Variants in LDLRAD3 observed in about 807,000 individuals in gnomAD.
LDLRAD3 encodes the protein low-density lipoprotein receptor class A domain-containing protein 3.
LDLRAD3 carries 20 observed loss-of-function variants against 29.4 expected under a neutral mutation model. The observed-to-expected ratio is 0.68, with a 90% CI of 0.48 to 0.99. The LOEUF (loss-of-function observed/expected upper bound fraction) is 0.99, where lower values mean the gene tolerates loss of function less well. Ranked by LOEUF, LDLRAD3 falls within the 50% of genes least tolerant of loss-of-function variation. The pLI, the probability that LDLRAD3 is intolerant of heterozygous loss-of-function variation, is 0.00. For missense variants in LDLRAD3, 420 were observed against 454.3 expected, an observed-to-expected ratio of 0.92 and a Z score of 0.69; for synonymous variants, 157 against 192.7, an observed-to-expected ratio of 0.81 and a Z score of 1.53.
At chr11:36,029,105 T>C (rs262438) in intron 1 of LDLRAD3, among the ~76,000 whole-genome samples, 152,185 of 152,198 alleles carry the variant, frequency 1, 76,086 homozygotes, top group Middle Eastern at 1. Flanking sequence ...ATTAGCTGGG[T>C]GTGGTGGTAC....
intron 1 of LDLRAD3, among the ~76,000 whole-genome samples, chr11:36,035,512 G>A (rs543771026): frequency 6.2e-4 from 94 of 152,264 alleles, no homozygotes; most frequent in African/African-American, 2.1e-3. Flanking sequence ...ATGACCTTGG[G>A]ACCCTGCTGG....
At chr11:35,968,998 G>A (rs1851376809) in intron 1 of LDLRAD3, among the ~76,000 whole-genome samples, 2 of 152,296 alleles carry the variant, frequency 1.3e-5, no homozygotes, top group South Asian at 4.1e-4. Flanking sequence ...CATATGGTGT[G>A]CGTACCAAGT....
intron 3 of LDLRAD3, among the ~76,000 whole-genome samples, chr11:36,094,324 T>A (rs1853327384): frequency 6.6e-6 from 1 of 152,228 alleles, no homozygotes; most frequent in African/African-American, 2.4e-5. Context: ...ATTGTATGCA[T>A]ACATAGTATG....
chr11:36,003,815 T>C (rs1327960719), intron 1 of LDLRAD3, among the ~76,000 whole-genome samples: 5 of 152,126 alleles, frequency 3.3e-5, no homozygotes, highest in Non-Finnish European at 7.4e-5. Flanking sequence ...AAAGCATGGC[T>C]GGGAGGCCTC....
chr11:35,963,267 A>G (rs1158579456), intron 1 of LDLRAD3, among the ~76,000 whole-genome samples: 1 of 152,026 alleles, frequency 6.6e-6, no homozygotes, highest in Non-Finnish European at 1.5e-5. Flanking sequence ...TGAAACTTAC[A>G]TTTTTTTAAT....
chr11:35,978,558 A>G (rs1480936395), intron 1 of LDLRAD3, among the ~76,000 whole-genome samples: 1 of 152,176 alleles, frequency 6.6e-6, no homozygotes, highest in Non-Finnish European at 1.5e-5. Context: ...TGCTTGGGAC[A>G]TGTGATTCTG....
intron 2 of LDLRAD3, among the ~76,000 whole-genome samples, chr11:36,071,628 T>C (rs1374405752): frequency 6.6e-6 from 1 of 152,208 alleles, no homozygotes; most frequent in Non-Finnish European, 1.5e-5. Context: ...ATAGCATATA[T>C]TTTAAGGGTG....
At chr11:36,216,146 C>T (rs974658838) in intron 4 of LDLRAD3, among the ~76,000 whole-genome samples, 3 of 152,188 alleles carry the variant, frequency 2.0e-5, no homozygotes, top group South Asian at 2.1e-4. Context: ...CACTGTATCA[C>T]GAGAAGAGAG....
intron 1 of LDLRAD3, among the ~76,000 whole-genome samples, chr11:35,961,517 G>C (rs1410543796): frequency 6.6e-6 from 1 of 152,194 alleles, no homozygotes; most frequent in Admixed American, 6.5e-5. Flanking sequence ...AATGCAGGTT[G>C]CTTAGCCCAT....
chr11:36,079,266 T>C (rs558724210), intron 2 of LDLRAD3, among the ~76,000 whole-genome samples: 56 of 152,364 alleles, frequency 3.7e-4, no homozygotes, highest in Admixed American at 1.6e-3. Context: ...TACCAGTTTA[T>C]AGAGACCTTT....
At chr11:36,087,341 CT>C (rs1853211243) in intron 3 of LDLRAD3, among the ~76,000 whole-genome samples, 1 of 152,020 alleles carries the variant, frequency 6.6e-6, no homozygotes, top group African/African-American at 2.4e-5. Context: ...GATATTGTGT[CT>C]ATTTTTTAAA....
intron 1 of LDLRAD3, among the ~76,000 whole-genome samples, chr11:35,987,195 A>G (rs1817962144): frequency 6.6e-6 from 1 of 152,246 alleles, no homozygotes; most frequent in Admixed American, 6.5e-5. Flanking sequence ...ACATTTGTAT[A>G]TCTTGCTGGC....
At chr11:36,181,291 C>T (rs541643435) in intron 4 of LDLRAD3, among the ~76,000 whole-genome samples, 14 of 152,090 alleles carry the variant, frequency 9.2e-5, no homozygotes, top group African/African-American at 3.4e-4. Context: ...GCCTTCCTCA[C>T]TACCCCTGCT....
rs115582010 is a variant in LDLRAD3, at chr11:36,018,293, C to T, written c.47-17810C>T. On this transcript the variant is annotated intron_variant, in intron 1 of 5. Transcript: ENST00000315571. ...TTCTTGCTTCAGTTTTAGCAGAATTCATGTTGCTCCAATAGGGGCTTTTTT... is the reference window on the plus strand; with the variant it reads ...TTCTTGCTTCAGTTTTAGCAGAATTTATGTTGCTCCAATAGGGGCTTTTTT... Among the ~76,000 whole-genome samples, 408 of 152,300 alleles carry T rather than the reference C, an allele frequency of 2.7e-3. 2 individuals carry two copies. Among genetic ancestry groups the T allele is most frequent in the African/African-American group, 9.5e-3 (396 of 41,562 alleles).
chr11:36,144,743 G>T (rs1480196025), intron 4 of LDLRAD3, among the ~76,000 whole-genome samples: 2 of 129,552 alleles, frequency 1.5e-5, no homozygotes, highest in African/African-American at 3.0e-5. Context: ...CAGCCACCCC[G>T]TCCGGGAGGG....
intron 2 of LDLRAD3, among the ~76,000 whole-genome samples, chr11:36,041,432 A>G (rs1852380253): frequency 6.6e-6 from 1 of 152,212 alleles, no homozygotes; most frequent in South Asian, 2.1e-4. Context: ...TTCTCTAGGT[A>G]TCTGTTACCC....
At chr11:36,050,909 G>A (rs920765419) in intron 2 of LDLRAD3, among the ~76,000 whole-genome samples, 3 of 152,132 alleles carry the variant, frequency 2.0e-5, no homozygotes, top group East Asian at 1.9e-4. Context: ...GTGGACAGCC[G>A]TCTTCTCACT....
At chr11:36,154,743 A>G (rs1161191835) in intron 4 of LDLRAD3, among the ~76,000 whole-genome samples, 1 of 152,148 alleles carries the variant, frequency 6.6e-6, no homozygotes, top group Non-Finnish European at 1.5e-5. Flanking sequence ...CCTATTGGTT[A>G]ATTTTCTTGG....
intron 1 of LDLRAD3, among the ~76,000 whole-genome samples, chr11:35,983,692 G>A (rs777342277): frequency 2.0e-5 from 3 of 152,106 alleles, no homozygotes; most frequent in Non-Finnish European, 4.4e-5. Context: ...GTGTAGTGGT[G>A]CGATCTCAGC....
Sources: gnomAD v4.1 joint callset for allele counts (sites outside exome capture counted in the v4.1 genomes callset) on GRCh38, gnomAD v4.1.1 for gene constraint, MANE v1.5 for transcripts, NCBI Gene and HGNC (gene_info 2026-07-23, HGNC 2026-07-21) for gene names.